GUCY1B1: variants seen among roughly 807,000 people sequenced by gnomAD.
GUCY1B1 encodes the protein guanylate cyclase 1 soluble subunit beta 1, also known as guanylate cyclase soluble subunit beta-1.
GUCY1B1 carries 43 observed loss-of-function variants against 71.0 expected under a neutral mutation model. That is an observed-to-expected ratio of 0.61 (90% confidence interval 0.47 to 0.78). The LOEUF is 0.78. GUCY1B1 is among the 30% of genes least tolerant of loss of function. The probability of loss-of-function intolerance (pLI) is 0.00; values close to 1 mark genes in which losing one functional copy is unlikely to be tolerated. For synonymous variants in GUCY1B1, 266 were observed against 259.7 expected (o/e 1.02, Z -0.23); for missense variants, 535 against 754.1 (o/e 0.71, Z 3.40).
At position 155,759,051 on chromosome 4, in the gene GUCY1B1, G is replaced by A. The variant is rs1036213863; in HGVS notation, c.-90G>A. On this transcript the variant is annotated 5_prime_UTR_variant, in exon 1 of 14. Transcript: ENST00000264424. ...AGCTCGATGCTGCCTCCCCGGCCCG[G>A]TTGCGCTGTAGCCGCTGCCGCCTCT... 2 of 1,378,430 alleles carry A rather than the reference G, an allele frequency of 1.5e-6. No homozygotes were observed. Among genetic ancestry groups the A allele is most frequent in the East Asian group, 2.5e-5 (1 of 40,358 alleles). 85.4% of individuals were successfully genotyped at this position (1,378,430 alleles called of 1,614,324 possible).
At chr4:155,792,199 C>A (rs1008770282) in intron 5 of GUCY1B1, among the ~76,000 whole-genome samples, 3 of 151,692 alleles carry the variant, frequency 2.0e-5, no homozygotes, top group Non-Finnish European at 4.4e-5. Flanking sequence ...ACAATTTGAA[C>A]CACATGGTTA....
chr4:155,782,168 C>CG (rs1170822697), intron 4 of GUCY1B1, among the ~76,000 whole-genome samples: 2 of 152,110 alleles, frequency 1.3e-5, no homozygotes, highest in African/African-American at 4.8e-5. Flanking sequence ...CTCCGCCTCC[C>CG]GGGTTCACGC....
intron 4 of GUCY1B1, among the ~76,000 whole-genome samples, chr4:155,781,341 T>C (rs1354218189): frequency 6.6e-6 from 1 of 152,180 alleles, no homozygotes; most frequent in Non-Finnish European, 1.5e-5. Flanking sequence ...GAAAAATATT[T>C]GTTTTCTCAC....
chr4:155,772,290 G>T (rs1342746862), intron 2 of GUCY1B1, among the ~76,000 whole-genome samples: 2 of 152,130 alleles, frequency 1.3e-5, no homozygotes, highest in African/African-American at 4.8e-5. Context: ...TATATTCACT[G>T]GGAATATGTA....
At chr4:155,800,206 C>A in intron 9 of GUCY1B1, 132 bp downstream of exon 9, 1 of 510,664 alleles carries the variant, frequency 2.0e-6, no homozygotes, top group Non-Finnish European at 3.4e-6. Context: ...AAATCTTTCA[C>A]ATTGCTTTTA....
At chr4:155,786,461 CTTTTTTTTTTTTTTTT>C (rs70954058) in intron 4 of GUCY1B1, among the ~76,000 whole-genome samples, 1 of 37,150 alleles carries the variant, frequency 2.7e-5, no homozygotes, top group Non-Finnish European at 4.7e-5. Flanking sequence ...TTCTTTCTTT[CTTTTTTTTTTTTTTTT>C]TTTTTTTTTT....
intron 2 of GUCY1B1, 139 bp downstream of exon 2, chr4:155,759,999 T>A: frequency 1.6e-6 from 1 of 612,518 alleles, no homozygotes; most frequent in Middle Eastern, 4.4e-4. Flanking sequence ...CGCTCCCGGC[T>A]CGCTGCAGCT....
At chr4:155,782,314 C>T (rs1457345927) in intron 4 of GUCY1B1, among the ~76,000 whole-genome samples, 2 of 152,164 alleles carry the variant, frequency 1.3e-5, no homozygotes, top group East Asian at 1.9e-4. Flanking sequence ...TGGTCTCGAT[C>T]TCCTGACCTC....
At chr4:155,777,784 T>TA in intron 4 of GUCY1B1, 142 bp downstream of exon 4, 6 of 548,134 alleles carry the variant, frequency 1.1e-5, no homozygotes, top group Non-Finnish European at 1.9e-5. Context: ...CTAATTCACA[T>TA]AAAATCATCG....
intron 2 of GUCY1B1, among the ~76,000 whole-genome samples, chr4:155,768,326 G>A (rs17033489): frequency 0.047 from 7,167 of 152,114 alleles, 616 homozygotes; most frequent in African/African-American, 0.16. Flanking sequence ...TGTATGTGAA[G>A]TTATAAGAAA....
At position 155,795,424 on chromosome 4, in the gene GUCY1B1, T is replaced by C; in HGVS notation, c.810T>C (p.Ser270=). The C allele has an allele frequency of 6.3e-7, 1 of 1,579,628 alleles. No individual in the cohort carries two copies. Among genetic ancestry groups the C allele is most frequent in the South Asian group, 1.1e-5 (1 of 90,270 alleles). Residue 270 remains serine, a synonymous_variant, in exon 7 of 14, where the codon TCT becomes TCC. Coordinates refer to ENST00000264424, the MANE Select transcript of GUCY1B1 (RefSeq NM_000857.5). ...ATATTAGTTTCCATGGGATCCTTTC[T>C]CACATCAATACTGTTTTTGTATTGA... The part of the protein sequence containing the change: ...HIDISFHGIL[S]HINTVFVLRS...
At chr4:155,776,648 C>A (rs2125800) in intron 3 of GUCY1B1, among the ~76,000 whole-genome samples, 1 of 151,508 alleles carries the variant, frequency 6.6e-6, no homozygotes, top group African/African-American at 2.4e-5. Context: ...ACAGCCTGGG[C>A]GACAAAGTGA....
At chr4:155,788,073 A>T (rs895450871) in intron 4 of GUCY1B1, among the ~76,000 whole-genome samples, 1 of 152,214 alleles carries the variant, frequency 6.6e-6, no homozygotes, top group African/African-American at 2.4e-5. Flanking sequence ...ATAACAAATG[A>T]CCACAAACTT....
intron 2 of GUCY1B1, among the ~76,000 whole-genome samples, 152 bp from the exon 3 acceptor site, chr4:155,774,816 T>TC (rs1330800884): frequency 6.6e-6 from 1 of 152,204 alleles, no homozygotes; most frequent in African/African-American, 2.4e-5. Context: ...CACTAGAATT[T>TC]TAGGTACATG....
intron 2 of GUCY1B1, among the ~76,000 whole-genome samples, chr4:155,765,945 C>T (rs1211100177): frequency 6.6e-6 from 1 of 152,192 alleles, no homozygotes; most frequent in Non-Finnish European, 1.5e-5. Flanking sequence ...CCAAACTTTT[C>T]CCTTTCCTTC....
intron 2 of GUCY1B1, among the ~76,000 whole-genome samples, chr4:155,760,395 T>C (rs1033286901): frequency 1.3e-4 from 20 of 152,184 alleles, no homozygotes; most frequent in African/African-American, 4.6e-4. Flanking sequence ...AAATTGGAAG[T>C]TTTTTGTTTT....
Position 155,789,735 on chromosome 4 carries a change from C to A in GUCY1B1, c.319C>A (p.His107Asn). 6.2e-7 allele frequency: 1 copy of A among 1,604,040 alleles called. No individual in the cohort carries two copies. The highest frequency in any genetic ancestry group is 8.5e-7 in the Non-Finnish European group (1 of 1,173,466). Reference protein sequence around the residue: ...FLQNLDALHDHLATIYPGMRA... With the variant: ...FLQNLDALHDNLATIYPGMRA... ...GCAGAACCTTGATGCTCTGCACGAC[C>A]ACCTTGCTACCATCTACCCAGGAAT... Residue 107 changes from histidine (H) to asparagine (N), a missense_variant, in exon 5 of 14, where the codon CAC (histidine) becomes AAC (asparagine). His to Asn is a moderately conservative substitution (Grantham distance 68, BLOSUM62 1). Coordinates refer to ENST00000264424, the MANE Select transcript of GUCY1B1 (RefSeq NM_000857.5).
chr4:155,804,320 C>T (rs2111181019), intron 11 of GUCY1B1, among the ~76,000 whole-genome samples: 1 of 152,168 alleles, frequency 6.6e-6, no homozygotes, highest in South Asian at 2.1e-4. Flanking sequence ...AATGAGAACA[C>T]ATGGACACAA....
chr4:155,777,561 GA>G lies in GUCY1B1; in HGVS notation c.217del (p.Met73CysfsTer90), dbSNP rs1052034416. 1.9e-6 allele frequency: 3 copies of G among 1,607,990 alleles called. No individual in the cohort carries two copies. Among genetic ancestry groups the G allele is most frequent in the Non-Finnish European group, 2.6e-6 (3 of 1,174,662 alleles). On this transcript the variant is annotated frameshift_variant, in exon 4 of 14. Coordinates refer to ENST00000264424, the MANE Select transcript of GUCY1B1 (RefSeq NM_000857.5). LOFTEE classifies it high-confidence loss of function. Reference sequence around the variant, plus strand: ...GAGAAATCCTCCAAATGTTTGGGAAGATGTTTTTCGTCTTTTGCCAAGAATC... The same window carrying G: ...GAGAAATCCTCCAAATGTTTGGGAAGTGTTTTTCGTCTTTTGCCAAGAATC... Reference protein sequence around the residue: ...AGEILQMFGKMFFVFCQESGY... With the variant: ...AGEILQMFGKXFFVFCQESGY...
Sources: allele counts gnomAD v4.1 joint callset (sites outside exome capture counted in the v4.1 genomes callset), GRCh38; gene constraint gnomAD v4.1.1; transcripts MANE v1.5; gene names NCBI Gene and HGNC (gene_info 2026-07-23, HGNC 2026-07-21).